The following GNB4 variants were observed in gnomAD, a reference collection of about 807,000 sequenced individuals.
The protein encoded by GNB4 is G protein subunit beta 4.
In GNB4, 28 loss-of-function variants were observed where a neutral mutation model predicts 45.2. The observed-to-expected ratio is 0.62, with a 90% CI of 0.46 to 0.85. GNB4 has a LOEUF of 0.85. GNB4 is among the 40% of genes least tolerant of loss of function. The pLI, the probability that GNB4 is intolerant of heterozygous loss-of-function variation, is 0.00. For missense variants in GNB4, 321 were observed against 425.4 expected (o/e 0.75, Z 2.16); for synonymous variants, 132 against 143.7 (o/e 0.92, Z 0.58).
At chr3:179,507,045 C>A in the GNB4 span, among the ~76,000 whole-genome samples, 1 of 152,170 alleles carries the variant, frequency 6.6e-6, no homozygotes. Context: ...CAACACCCAC[C>A]CAGCGGACCA....
rs148750368 is a variant in GNB4, at chr3:179,399,513, T to C, written c.*1700A>G. The C allele has an allele frequency of 1.5e-4, 23 of 152,264 alleles. No individual in the cohort carries two copies. The highest frequency in any genetic ancestry group is 5.3e-4 in the African/African-American group (22 of 41,580). The allele number at this position is 152,264 out of a possible 1,614,324, so 9.4% of individuals were successfully genotyped here. A position where few individuals can be genotyped will look rare whatever the true frequency, so the allele number is the denominator to read the frequency against. The stretch of plus-strand genomic sequence containing the variant: ...CCACTCTGCCCAGCCAAAAAGTTAA[T>C]AGAAATCTTAATCAAAATATAAATA... On this transcript the variant is annotated 3_prime_UTR_variant, in exon 10 of 10. Coordinates refer to ENST00000232564, the MANE Select transcript of GNB4 (RefSeq NM_021629.4).
upstream of GNB4, among the ~76,000 whole-genome samples, chr3:179,453,219 T>C (rs939900891): frequency 3.3e-5 from 5 of 152,184 alleles, no homozygotes; most frequent in African/African-American, 4.8e-5. Flanking sequence ...ACCTCCAGGA[T>C]TCAAGCGATT....
chr3:179,430,117 A>ACAGACAGACAGACAG (rs1559977662), intron 1 of GNB4, among the ~76,000 whole-genome samples: 2 of 145,470 alleles, frequency 1.4e-5, no homozygotes, highest in African/African-American at 5.4e-5. Flanking sequence ...CAGACAGACA[A>ACAGACAGACAGACAG]AGGCCTCACT....
the GNB4 span, among the ~76,000 whole-genome samples, chr3:179,478,806 G>T: frequency 2.0e-5 from 3 of 152,162 alleles, no homozygotes; most frequent in Admixed American, 6.5e-5. Flanking sequence ...GGATCATGGG[G>T]CAGAGTTCTC....
chr3:179,461,789 T>C, the GNB4 span, among the ~76,000 whole-genome samples: 14 of 152,232 alleles, frequency 9.2e-5, no homozygotes, highest in African/African-American at 3.1e-4. Flanking sequence ...CTACCTTTCA[T>C]TGAAGTTTTC....
At chr3:179,507,813 C>T in the GNB4 span, among the ~76,000 whole-genome samples, 8 of 152,186 alleles carry the variant, frequency 5.3e-5, no homozygotes, top group African/African-American at 1.2e-4. Flanking sequence ...ATTATTCTCG[C>T]GTCTTCTCCA....
At chr3:179,480,817 T>G in the GNB4 span, among the ~76,000 whole-genome samples, 1 of 150,862 alleles carries the variant, frequency 6.6e-6, no homozygotes, top group South Asian at 2.1e-4. Flanking sequence ...CTAAAATAAT[T>G]AGGACTCAAT....
the GNB4 span, chr3:179,465,055 A>G: frequency 1.0e-5 from 15 of 1,496,352 alleles, no homozygotes; most frequent in African/African-American, 1.9e-4. Flanking sequence ...ATACTTCCAA[A>G]GAGCAGTTGA....
In GNB4 at chr3:179,401,056, C is replaced by T. The variant is rs1028882056; in HGVS notation, c.*157G>A. On this transcript the variant is annotated 3_prime_UTR_variant, in exon 10 of 10. Transcript: ENST00000232564. ...GCCTTTGCCTTTTTTCCTCCACCCCCACTTTTTTTTTGGTAGTTTACTGAA... is the reference window on the plus strand; with the variant it reads ...GCCTTTGCCTTTTTTCCTCCACCCCTACTTTTTTTTTGGTAGTTTACTGAA... The T allele has an allele frequency of 1.9e-6, 1 of 522,442 alleles. No homozygotes were observed. 32.4% of individuals were successfully genotyped at this position (522,442 alleles called of 1,614,324 possible).
chr3:179,491,133 C>G, the GNB4 span, among the ~76,000 whole-genome samples: 1 of 152,110 alleles, frequency 6.6e-6, no homozygotes, highest in Non-Finnish European at 1.5e-5. Context: ...CAGAAATTCT[C>G]AGCATAGAAA....
chr3:179,447,062 GA>G (rs539012153), intron 1 of GNB4, among the ~76,000 whole-genome samples: 121 of 152,118 alleles, frequency 8.0e-4, no homozygotes, highest in Admixed American at 1.4e-3. Flanking sequence ...TCGTATGCAA[GA>G]AAAAAACTGC....
chr3:179,469,611 T>C, the GNB4 span, among the ~76,000 whole-genome samples: 2 of 151,998 alleles, frequency 1.3e-5, no homozygotes, highest in African/African-American at 2.4e-5. Context: ...AAAATAGCAA[T>C]AGTAAAAAAA....
At chr3:179,495,285 G>A in the GNB4 span, among the ~76,000 whole-genome samples, 1 of 151,762 alleles carries the variant, frequency 6.6e-6, no homozygotes, top group Non-Finnish European at 1.5e-5. Context: ...GGACCAGCCT[G>A]GGCAACATGG....
the GNB4 span, among the ~76,000 whole-genome samples, chr3:179,479,696 A>G: frequency 6.6e-6 from 1 of 152,232 alleles, no homozygotes; most frequent in Non-Finnish European, 1.5e-5. Flanking sequence ...AACTAAAAGC[A>G]AAAGAAACAT....
At chr3:179,453,268 A>G (rs565305932), upstream of GNB4, among the ~76,000 whole-genome samples, 1 of 152,286 alleles carries the variant, frequency 6.6e-6, no homozygotes, top group Admixed American at 6.5e-5. Flanking sequence ...TTACAGGCAC[A>G]AGCCACCACG....
the GNB4 span, among the ~76,000 whole-genome samples, chr3:179,492,129 C>G: frequency 1.4e-4 from 21 of 152,304 alleles, no homozygotes; most frequent in South Asian, 4.3e-3. Context: ...GAGTGATACT[C>G]TCTGAGAGAT....
the GNB4 span, among the ~76,000 whole-genome samples, chr3:179,463,167 G>A: frequency 6.6e-6 from 1 of 152,184 alleles, no homozygotes; most frequent in South Asian, 2.1e-4. Flanking sequence ...AGGAAGCAAT[G>A]TCCGTAGTCA....
chr3:179,416,542 G>A lies in GNB4; in HGVS notation c.218C>T (p.Ala73Val). ...WGYDSRLLVS[A>V]SQDGKLIIWD... Reference sequence around the variant, plus strand: ...AATAATTAATTTTCCATCTTGAGAAGCACTGACTAGCAGCCTAGAGGAACA... The same window carrying A: ...AATAATTAATTTTCCATCTTGAGAAACACTGACTAGCAGCCTAGAGGAACA... Residue 73 changes from alanine (A) to valine (V), a missense_variant, in exon 5 of 10, where the codon GCT (alanine) becomes GTT (valine). Coordinates refer to ENST00000232564, the MANE Select transcript of GNB4 (RefSeq NM_021629.4). 1 of 1,595,492 alleles carries A rather than the reference G, an allele frequency of 6.3e-7. No individual in the cohort carries two copies.
intron 1 of GNB4, among the ~76,000 whole-genome samples, chr3:179,444,015 C>T (rs752587461): frequency 1.8e-4 from 27 of 152,332 alleles, no homozygotes; most frequent in Middle Eastern, 3.4e-3. Flanking sequence ...ATCACATATA[C>T]CAAGACTGCT....
Sources: allele counts gnomAD v4.1 joint callset (sites outside exome capture counted in the v4.1 genomes callset), GRCh38; gene constraint gnomAD v4.1.1; transcripts MANE v1.5; gene names NCBI Gene and HGNC (gene_info 2026-07-23, HGNC 2026-07-21).